Variants in AACS observed in about 807,000 individuals in gnomAD.
AACS encodes acetoacetate-CoA ligase.
A neutral mutation model predicts 83.1 loss-of-function variants in AACS; 69 were observed. The ratio of observed to expected loss-of-function variants is 0.83; its 90% CI spans 0.68 to 1.01. The LOEUF (loss-of-function observed/expected upper bound fraction) is 1.01. AACS is among the 50% of genes least tolerant of loss of function. The pLI is 0.00. For synonymous variants in AACS, 333 were observed against 343.4 expected (o/e 0.97, Z 0.33); for missense variants, 866 against 882.2 (o/e 0.98, Z 0.23).
rs145554555 is a variant in AACS, at chr12:125,076,749, G to A, written c.358+138G>A. 1.4e-3 allele frequency: 1,954 copies of A among 1,386,808 alleles called. 20 individuals are homozygous for A. The African/African-American group carries it at 0.023, about 16-fold the overall frequency. The allele number at this position is 1,386,808 out of a possible 1,614,324, so 85.9% of individuals were successfully genotyped here. ...TTCTGATGTAATTAAGATTTCTGTC[G>A]ACTTTATTTTTGCTGGGGAGGGGAA... On this transcript the variant is annotated intron_variant, in intron 3 of 17. Coordinates refer to ENST00000316519, the MANE Select transcript of AACS (RefSeq NM_023928.5).
At chr12:125,078,203 G>A (rs1324892349) in intron 3 of AACS, 3 of 456,192 alleles carry the variant, frequency 6.6e-6, no homozygotes, top group Non-Finnish European at 1.3e-5. Flanking sequence ...CAGCCCCTGT[G>A]CAGTTGGTAA....
intron 1 of AACS, 50 bp from the exon 2 acceptor site, chr12:125,073,826 G>T: frequency 1.3e-6 from 2 of 1,485,836 alleles, no homozygotes; most frequent in South Asian, 2.3e-5. Flanking sequence ...CTTATTAATG[G>T]ATTGCCAAGA....
intron 5 of AACS, among the ~76,000 whole-genome samples, chr12:125,093,762 C>T (rs751389238): frequency 2.8e-4 from 42 of 152,222 alleles, no homozygotes; most frequent in South Asian, 4.1e-4. Flanking sequence ...TTCTCTCTGT[C>T]GCTCATTTTG....
chr12:125,118,626 C>A lies in AACS; in HGVS notation c.997-15C>A. The A allele has an allele frequency of 6.2e-7, 1 of 1,613,904 alleles. No individual in the cohort carries two copies. On this transcript the variant is annotated splice_polypyrimidine_tract_variant and intron_variant, in intron 9 of 17. Coordinates refer to ENST00000316519, the MANE Select transcript of AACS (RefSeq NM_023928.5). ...CCTAGCGCCCGCTGAAGCCGCATCC[C>A]TCCTGTCTTTGCAGGTCGGCTGGAT...
chr12:125,085,267 C>G (rs1413414687), intron 3 of AACS, among the ~76,000 whole-genome samples: 1 of 152,198 alleles, frequency 6.6e-6, no homozygotes, highest in Non-Finnish European at 1.5e-5. Context: ...GCATCCACGT[C>G]TGTTTCCTGG....
chr12:125,074,076 A>C, intron 2 of AACS, 97 bp downstream of exon 2: 1 of 996,252 alleles, frequency 1.0e-6, no homozygotes, highest in Non-Finnish European at 1.6e-6. Flanking sequence ...TCTCCTTTTT[A>C]CAACCTCATG....
At chr12:125,109,730 C>T (rs1358532815) in intron 8 of AACS, among the ~76,000 whole-genome samples, 2 of 152,170 alleles carry the variant, frequency 1.3e-5, no homozygotes, top group African/African-American at 2.4e-5. Context: ...GCACGTCAGT[C>T]GTCAGGTCTC....
Position 125,114,513 on chromosome 12 carries a change from C to G in AACS, c.952C>G (p.His318Asp), listed in dbSNP as rs1224330186. 2 of 1,613,390 alleles carry G rather than the reference C, an allele frequency of 1.2e-6. No homozygotes were observed. The highest frequency in any genetic ancestry group is 1.7e-6 in the Non-Finnish European group (2 of 1,179,792). Reference sequence around the variant, plus strand: ...CCAGCATCTGAAGGAGCACCTGCTGCACGGCAACATGACCAGCAGTGACAT... The same window carrying G: ...CCAGCATCTGAAGGAGCACCTGCTGGACGGCAACATGACCAGCAGTGACAT... ...LIQHLKEHLLHGNMTSSDILL... is the reference protein window; with the variant it reads ...LIQHLKEHLLDGNMTSSDILL... The change falls in exon 9 of 18, where the codon CAC (histidine) becomes GAC (aspartate). Residue 318 changes from histidine (H) to aspartate (D), a missense_variant. His to Asp is a moderately conservative substitution (Grantham distance 81, BLOSUM62 -1). Transcript: ENST00000316519.
At chr12:125,125,405 C>T (rs1471462741) in intron 12 of AACS, among the ~76,000 whole-genome samples, 3 of 152,190 alleles carry the variant, frequency 2.0e-5, no homozygotes, top group Non-Finnish European at 2.9e-5. Context: ...TGGGATGCCA[C>T]GCCCGGGAAG....
intron 1 of AACS, among the ~76,000 whole-genome samples, chr12:125,071,494 T>C (rs1273131544): frequency 6.6e-6 from 1 of 152,190 alleles, no homozygotes; most frequent in East Asian, 1.9e-4. Flanking sequence ...AAAATTTGCA[T>C]GATCCCTGCA....
intron 1 of AACS, among the ~76,000 whole-genome samples, chr12:125,069,504 C>T (rs1372552187): frequency 1.3e-5 from 2 of 152,232 alleles, no homozygotes; most frequent in Non-Finnish European, 2.9e-5. Context: ...GCCACCTGTG[C>T]ACTCCCTGCA....
chr12:125,093,326 G>C (rs1030376310), intron 5 of AACS, among the ~76,000 whole-genome samples: 2 of 152,202 alleles, frequency 1.3e-5, no homozygotes, highest in East Asian at 1.9e-4. Flanking sequence ...TCTGAGGCCA[G>C]GGGGTGGAGA....
rs368505441 is a variant in AACS at position 125,065,521 on chromosome 12, C to T, written c.-64C>T. 2.8e-5 allele frequency: 39 copies of T among 1,395,908 alleles called. No homozygotes were observed. In the East Asian group the frequency reaches 8.2e-4, roughly 30 times the overall value. The allele number at this position is 1,395,908 out of a possible 1,614,324, so 86.5% of individuals were successfully genotyped here. On this transcript the variant is annotated 5_prime_UTR_variant, in exon 1 of 18. Transcript: ENST00000316519. ...CTTCCTCCGGTCCCAGGTCCCCGGC[C>T]CTCGCCTCAGCCCCGGCCCCTGGTC...
chr12:125,119,361 G>A (rs1057491145), intron 10 of AACS, among the ~76,000 whole-genome samples: 1 of 152,202 alleles, frequency 6.6e-6, no homozygotes, highest in East Asian at 1.9e-4. Context: ...GTCGCCTAGA[G>A]TCCTGTTTCA....
intron 5 of AACS, among the ~76,000 whole-genome samples, chr12:125,098,694 C>T (rs1956662191): frequency 6.6e-6 from 1 of 152,202 alleles, no homozygotes; most frequent in Admixed American, 6.5e-5. Flanking sequence ...CTCAAGTGAT[C>T]CACCCGCCTT....
At chr12:125,107,414 G>A in intron 8 of AACS, 146 bp downstream of exon 8, 1 of 1,147,560 alleles carries the variant, frequency 8.7e-7, no homozygotes, top group Non-Finnish European at 1.2e-6. Context: ...CAAGTGGGGT[G>A]CTGCACGGAG....
intron 12 of AACS, among the ~76,000 whole-genome samples, chr12:125,125,409 C>T (rs555547334): frequency 3.3e-5 from 5 of 152,306 alleles, no homozygotes; most frequent in Admixed American, 6.5e-5. Context: ...ATGCCACGCC[C>T]GGGAAGACAG....
At chr12:125,112,971 G>A (rs957535240) in intron 8 of AACS, among the ~76,000 whole-genome samples, 1 of 151,818 alleles carries the variant, frequency 6.6e-6, no homozygotes, top group Non-Finnish European at 1.5e-5. Flanking sequence ...CCCACAACAT[G>A]TGGGAATTAT....
rs765915312 is a variant in AACS at position 125,128,284 on chromosome 12, C to T, written c.1423+10C>T. 50 of 1,606,164 alleles carry T rather than the reference C, an allele frequency of 3.1e-5. 1 individual carries two copies. The Admixed American group carries it at 8.4e-4, about 27-fold the overall frequency. On this transcript the variant is annotated intron_variant, in intron 13 of 17. Coordinates refer to ENST00000316519, the MANE Select transcript of AACS (RefSeq NM_023928.5). ...GCGTGGAACGAGGAAGGTGATGGCT[C>T]CACCAACTGTTTCTTTCTGTGATTA...
Sources: gnomAD v4.1 joint callset for allele counts (sites outside exome capture counted in the v4.1 genomes callset) on GRCh38, gnomAD v4.1.1 for gene constraint, MANE v1.5 for transcripts, NCBI Gene and HGNC (gene_info 2026-07-23, HGNC 2026-07-21) for gene names.